CDH12: variants seen among roughly 807,000 people sequenced by gnomAD.
The protein encoded by CDH12 is cadherin-12.
CDH12 carries 41 observed loss-of-function variants against 74.1 expected under a neutral mutation model. The ratio of observed to expected loss-of-function variants is 0.55; its 90% CI spans 0.43 to 0.72. The LOEUF is 0.72. Among genes scored for constraint, CDH12 ranks in the 30% least tolerant of loss-of-function variants. The probability of loss-of-function intolerance (pLI) is 0.00; values close to 1 mark genes in which losing one functional copy is unlikely to be tolerated. For missense variants in CDH12, 945 were observed against 977.2 expected, an observed-to-expected ratio of 0.97 and a Z score of 0.44; for synonymous variants, 399 against 355.0, an observed-to-expected ratio of 1.12 and a Z score of -1.39.
At chr5:22,213,394 C>A (rs7721413) in intron 3 of CDH12, among the ~76,000 whole-genome samples, 150,955 of 151,878 alleles carry the variant, frequency 0.99, 75,032 homozygotes, top group Middle Eastern at 1. Context: ...GCATTGTACC[C>A]TTAACCAGAG....
intron 4 of CDH12, among the ~76,000 whole-genome samples, chr5:22,128,216 A>G (rs1349642345): frequency 1.3e-5 from 2 of 152,114 alleles, no homozygotes. Context: ...TGATTTGCCC[A>G]TTGCCAATTA....
intron 4 of CDH12, among the ~76,000 whole-genome samples, chr5:22,105,721 A>C (rs920347192): frequency 4.7e-5 from 7 of 150,092 alleles, no homozygotes; most frequent in Non-Finnish European, 1.0e-4. Context: ...ATAAAATAAA[A>C]TAAAGTAAAA....
intron 1 of CDH12, among the ~76,000 whole-genome samples, chr5:22,604,220 T>C (rs1228212372): frequency 1.3e-5 from 2 of 152,232 alleles, no homozygotes; most frequent in Admixed American, 1.3e-4. Flanking sequence ...TCACAGGTAG[T>C]AAATATCAGC....
At chr5:21,760,924 C>A (rs1273678441) in intron 12 of CDH12, among the ~76,000 whole-genome samples, 1 of 151,998 alleles carries the variant, frequency 6.6e-6, no homozygotes, top group Non-Finnish European at 1.5e-5. Context: ...AAAAGGTAAC[C>A]AGCATTAAAA....
At chr5:22,344,959 C>G (rs556369402) in intron 3 of CDH12, among the ~76,000 whole-genome samples, 4 of 152,182 alleles carry the variant, frequency 2.6e-5, no homozygotes, top group South Asian at 2.1e-4. Context: ...TTATTGAAAC[C>G]CTTTTACTAA....
intron 5 of CDH12, among the ~76,000 whole-genome samples, chr5:22,074,908 C>T (rs1271028208): frequency 6.6e-6 from 1 of 151,986 alleles, no homozygotes; most frequent in African/African-American, 2.4e-5. Context: ...GTGGCAATTC[C>T]TCAGGGATCT....
intron 5 of CDH12, among the ~76,000 whole-genome samples, chr5:22,028,682 C>T (rs891395350): frequency 3.3e-5 from 5 of 152,106 alleles, no homozygotes; most frequent in African/African-American, 4.8e-5. Context: ...AATGGCCATA[C>T]TGCCCAAGGT....
intron 2 of CDH12, among the ~76,000 whole-genome samples, chr5:22,413,776 CTTT>C (rs1049469371): frequency 6.6e-6 from 1 of 151,880 alleles, no homozygotes; most frequent in South Asian, 2.1e-4. Context: ...ATTTTATTTA[CTTT>C]TTTTCCCGAT....
chr5:21,900,806 C>T (rs564422100), intron 6 of CDH12, among the ~76,000 whole-genome samples: 18 of 152,260 alleles, frequency 1.2e-4, no homozygotes, highest in African/African-American at 3.4e-4. Flanking sequence ...ACTTTGATAG[C>T]GAATGCTCAG....
At chr5:22,035,713 TACACACACACACACAC>T (rs149918147) in intron 5 of CDH12, among the ~76,000 whole-genome samples, 10 of 143,252 alleles carry the variant, frequency 7.0e-5, no homozygotes, top group African/African-American at 2.5e-4. Context: ...ACTTCACACA[TACACACACACACACAC>T]ACACACACAC....
chr5:22,378,222 A>T (rs978168466), intron 3 of CDH12, among the ~76,000 whole-genome samples: 1 of 152,176 alleles, frequency 6.6e-6, no homozygotes, highest in Non-Finnish European at 1.5e-5. Context: ...AATTCAAGAC[A>T]AAATGTGTTA....
rs199538583 is a variant in CDH12 at position 22,023,546 on chromosome 5, G to GTA, written c.232-48163_232-48162dup. Among the ~76,000 whole-genome samples, 344 of 149,420 alleles carry GTA rather than the reference G, an allele frequency of 2.3e-3. 4 individuals are homozygous for GTA. Among genetic ancestry groups the GTA allele is most frequent in the African/African-American group, 6.7e-3 (271 of 40,572 alleles). ...TATATATATATAATTCTCTGTATTT[G>GTA]TATATATATATACACACGAATATTC... On this transcript the variant is annotated intron_variant, in intron 5 of 14. Coordinates refer to ENST00000382254, the MANE Select transcript of CDH12 (RefSeq NM_004061.5).
intron 4 of CDH12, among the ~76,000 whole-genome samples, chr5:22,085,092 T>C (rs1467323078): frequency 6.6e-6 from 1 of 152,168 alleles, no homozygotes; most frequent in Non-Finnish European, 1.5e-5. Flanking sequence ...TCCTCATCTT[T>C]TGTAGAGCCA....
intron 1 of CDH12, among the ~76,000 whole-genome samples, chr5:22,737,939 A>G (rs2127013167): frequency 6.6e-6 from 1 of 152,196 alleles, no homozygotes; most frequent in African/African-American, 2.4e-5. Context: ...TCATAAAATG[A>G]GACACTTTTG....
chr5:22,202,459 G>A (rs990021109), intron 4 of CDH12, among the ~76,000 whole-genome samples: 4 of 152,016 alleles, frequency 2.6e-5, no homozygotes, highest in Admixed American at 6.6e-5. Context: ...TGCACAAAAG[G>A]GTCAGAGTTT....
intron 3 of CDH12, among the ~76,000 whole-genome samples, chr5:22,219,408 T>G (rs1240523830): frequency 2.6e-5 from 4 of 151,706 alleles, no homozygotes; most frequent in Non-Finnish European, 5.9e-5. Flanking sequence ...CATTCTCCTC[T>G]CAGTTATACT....
intron 5 of CDH12, among the ~76,000 whole-genome samples, chr5:22,017,299 C>A (rs889753622): frequency 1.3e-5 from 2 of 152,014 alleles, no homozygotes; most frequent in East Asian, 3.9e-4. Flanking sequence ...TGACCCTGAA[C>A]ATAAGACTTC....
chr5:22,008,930 C>G (rs1737125151), intron 5 of CDH12, among the ~76,000 whole-genome samples: 1 of 152,216 alleles, frequency 6.6e-6, no homozygotes, highest in Non-Finnish European at 1.5e-5. Context: ...TCATGATTAT[C>G]TTCCATCCTC....
intron 3 of CDH12, among the ~76,000 whole-genome samples, chr5:22,314,839 G>T (rs1161400527): frequency 6.7e-6 from 1 of 149,410 alleles, no homozygotes; most frequent in African/African-American, 2.5e-5. Context: ...GGTTAGAATA[G>T]GTTATTATTT....
Sources: gnomAD v4.1 joint callset for allele counts (sites outside exome capture counted in the v4.1 genomes callset) on GRCh38, gnomAD v4.1.1 for gene constraint, MANE v1.5 for transcripts, NCBI Gene and HGNC (gene_info 2026-07-23, HGNC 2026-07-21) for gene names.